Variants in SLC34A1 observed in about 807,000 individuals in gnomAD.
SLC34A1 encodes the protein solute carrier family 34 member 1, also known as sodium-dependent phosphate transport protein 2A.
In SLC34A1, 57 loss-of-function variants were observed where a neutral mutation model predicts 51.4. The observed-to-expected ratio is 1.11, with a 90% CI of 0.90 to 1.38. The LOEUF (loss-of-function observed/expected upper bound fraction) is 1.38. Ranked by LOEUF, SLC34A1 falls within the 40% of genes most tolerant of loss-of-function variation. The pLI is 0.00. For missense variants in SLC34A1, 796 were observed against 835.6 expected (o/e 0.95, Z 0.58); for synonymous variants, 368 against 358.0 (o/e 1.03, Z -0.32).
chr5:177,389,627 T>C, intron 8 of SLC34A1: 1 of 1,537,218 alleles, frequency 6.5e-7, no homozygotes, highest in South Asian at 1.2e-5. Context: ...CACAAGCCTC[T>C]CTACTTCATA....
chr5:177,397,423 C>T, intron 12 of SLC34A1: 1 of 490,544 alleles, frequency 2.0e-6, no homozygotes, highest in South Asian at 2.1e-5. Flanking sequence ...ATTCTAGGAG[C>T]AAAGGAGTAA....
chr5:177,386,636 G>C lies in SLC34A1; in HGVS notation c.532+70G>C, dbSNP rs1004145059. The C allele has an allele frequency of 6.3e-7, 1 of 1,585,114 alleles. No individual in the cohort carries two copies. The highest frequency in any genetic ancestry group is 1.3e-5 in the African/African-American group (1 of 74,578). ...CAGGAGCTGGGAAGGGTGGCAAATG[G>C]GGAGCGTGACCCCAGTAAGGCTGGC... is the stretch of plus-strand genomic sequence containing the variant. On this transcript the variant is annotated intron_variant, in intron 5 of 12. Transcript: ENST00000324417. This position sits in a 1 kb window ranked among gnomAD's most constrained non-coding sequence, Gnocchi z 4.8.
chr5:177,393,056 GC>G (rs901541141), intron 8 of SLC34A1, among the ~76,000 whole-genome samples: 3 of 152,160 alleles, frequency 2.0e-5, no homozygotes, highest in Non-Finnish European at 4.4e-5. Context: ...TACAGGCCCA[GC>G]AGAAACTCTC....
Position 177,398,280 on chromosome 5 carries a change from C to A in SLC34A1, c.1914C>A (p.Arg638=). The A allele has an allele frequency of 6.3e-7, 1 of 1,599,476 alleles. No individual in the cohort carries two copies. Among genetic ancestry groups the A allele is most frequent in the Non-Finnish European group, 8.5e-7 (1 of 1,179,950 alleles). ...LALPAHHNAT[R]L ...TGCCTGCTCACCACAATGCCACCCGCCTCTAGGCTGTGGGCCCAGACTACA... is the reference window on the plus strand; with the variant it reads ...TGCCTGCTCACCACAATGCCACCCGACTCTAGGCTGTGGGCCCAGACTACA... Residue 638 remains arginine, a synonymous_variant, in exon 13 of 13, where the codon CGC becomes CGA. Transcript: ENST00000324417. This position sits in a 1 kb window ranked among gnomAD's most constrained non-coding sequence, Gnocchi z 4.7.
chr5:177,392,500 C>G lies in SLC34A1; in HGVS notation c.937-1194C>G, dbSNP rs1762839295. ...ATAAATAAATAAATAACTTCTTAAC[C>G]CAACAAGGCTACAAATGAGTTGTCC... On this transcript the variant is annotated intron_variant, in intron 8 of 12. Coordinates refer to ENST00000324417, the MANE Select transcript of SLC34A1 (RefSeq NM_003052.5). Among the ~76,000 whole-genome samples, 6 of 152,028 alleles carry G rather than the reference C, an allele frequency of 3.9e-5. No homozygotes were observed. In the South Asian group the frequency reaches 1.2e-3, roughly 32 times the overall value.
chr5:177,389,564 A>G (rs1164536556), intron 8 of SLC34A1: 8 of 1,530,696 alleles, frequency 5.2e-6, no homozygotes, highest in African/African-American at 1.4e-5. Context: ...TCTTTAATAC[A>G]TCAACCACTT....
intron 10 of SLC34A1, 81 bp downstream of exon 10, chr5:177,394,276 TG>T (rs1397536107): frequency 1.4e-6 from 2 of 1,438,722 alleles, no homozygotes; most frequent in East Asian, 2.3e-5. Flanking sequence ...TGCCTTGATC[TG>T]GGTAAACCCT....
chr5:177,388,349 TG>T lies in SLC34A1; in HGVS notation c.915del (p.Trp305CysfsTer65). ...GAGGAACCACAGTCTCATCCAGATC[TG>T]GTGCCACCCAGACTCCTTACAGGTG... is the stretch of plus-strand genomic sequence containing the variant. The part of the protein sequence containing the change: ...SLRNHSLIQI[W>X]CHPDSLQAPT... On this transcript the variant is annotated frameshift_variant, in exon 8 of 13. Transcript: ENST00000324417. LOFTEE classifies it high-confidence loss of function. This position sits in a 1 kb window ranked among gnomAD's most constrained non-coding sequence, Gnocchi z 4.3. 1 of 1,614,178 alleles carries T rather than the reference TG, an allele frequency of 6.2e-7. No individual in the cohort carries two copies. Among genetic ancestry groups the T allele is most frequent in the Non-Finnish European group, 8.5e-7 (1 of 1,180,020 alleles).
rs749001328 is a variant in SLC34A1 at position 177,386,380 on chromosome 5, G to T, written c.388+31G>T. 1 of 1,614,110 alleles carries T rather than the reference G, an allele frequency of 6.2e-7. No individual in the cohort carries two copies. Among genetic ancestry groups the T allele is most frequent in the African/African-American group, 1.3e-5 (1 of 74,948 alleles). On this transcript the variant is annotated intron_variant, in intron 4 of 12. Transcript: ENST00000324417. This position sits in a 1 kb window ranked among gnomAD's most constrained non-coding sequence, Gnocchi z 4.8. ...GCCCGGGTGGAGGAGACCTGGGAGGGGTTCCTGAAGGGCCTTGGACAACGC... is the reference window on the plus strand; with the variant it reads ...GCCCGGGTGGAGGAGACCTGGGAGGTGTTCCTGAAGGGCCTTGGACAACGC...
chr5:177,387,236 C>A (rs1274757438), intron 5 of SLC34A1, among the ~76,000 whole-genome samples: 2 of 151,564 alleles, frequency 1.3e-5, no homozygotes, highest in Non-Finnish European at 2.9e-5. Flanking sequence ...ACAACAAAAA[C>A]CAAAAAGCAT....
In SLC34A1 at chr5:177,387,833, G is replaced by T; in HGVS notation, c.604G>T (p.Val202Leu). 6.2e-7 allele frequency: 1 copy of T among 1,613,528 alleles called. No individual in the cohort carries two copies. Among genetic ancestry groups the T allele is most frequent in the Non-Finnish European group, 8.5e-7 (1 of 1,179,894 alleles). ...CGGCACCTCTGTCACCAACACCATC[G>T]TGGCCCTGATGCAGGCGGGGGACAG... ...NIGTSVTNTIVALMQAGDRTD... is the reference protein window; with the variant it reads ...NIGTSVTNTILALMQAGDRTD... The change falls in exon 6 of 13, where the codon GTG (valine) becomes TTG (leucine). Residue 202 changes from valine to leucine, a missense_variant. Physicochemically the swap from Val to Leu is conservative, Grantham distance 32 (BLOSUM62 1). Coordinates refer to ENST00000324417, the MANE Select transcript of SLC34A1 (RefSeq NM_003052.5).
intron 8 of SLC34A1, among the ~76,000 whole-genome samples, chr5:177,391,513 C>T (rs986711879): frequency 3.9e-5 from 6 of 152,226 alleles, no homozygotes; most frequent in Non-Finnish European, 7.3e-5. Context: ...GTGGGGCACA[C>T]GTTGACCAGG....
At position 177,386,661 on chromosome 5, in the gene SLC34A1, C is replaced by T. The variant is rs1244622392; in HGVS notation, c.532+95C>T. Reference sequence around the variant, plus strand: ...GGGAGCGTGACCCCAGTAAGGCTGGCCTCCATTCAGCTTGACTCCTGTATC... The same window carrying T: ...GGGAGCGTGACCCCAGTAAGGCTGGTCTCCATTCAGCTTGACTCCTGTATC... On this transcript the variant is annotated intron_variant, in intron 5 of 12. Transcript: ENST00000324417. This position sits in a 1 kb window ranked among gnomAD's most constrained non-coding sequence, Gnocchi z 4.8. 1 of 1,464,330 alleles carries T rather than the reference C, an allele frequency of 6.8e-7. No individual in the cohort carries two copies. The highest frequency in any genetic ancestry group is 1.7e-5 in the Admixed American group (1 of 59,506). 90.7% of individuals were successfully genotyped at this position (1,464,330 alleles called of 1,614,324 possible). A position where few individuals can be genotyped will look rare whatever the true frequency, so the allele number is the denominator to read the frequency against.
chr5:177,385,753 C>A lies in SLC34A1; in HGVS notation c.12C>A (p.Tyr4Ter). The A allele has an allele frequency of 6.2e-7, 1 of 1,612,542 alleles. No individual in the cohort carries two copies. Among genetic ancestry groups the A allele is most frequent in the Non-Finnish European group, 8.5e-7 (1 of 1,179,516 alleles). Residue 4 changes from tyrosine to a stop codon, truncating the protein, a stop_gained, in exon 2 of 13, where the codon TAC (tyrosine) becomes TAA (stop). Transcript: ENST00000324417. LOFTEE classifies it high-confidence loss of function. ...AGTGGGTGCCCAGGATGTTGTCCTACGGAGAGAGGCTGGGGTCCCCTGCTG... is the reference window on the plus strand; with the variant it reads ...AGTGGGTGCCCAGGATGTTGTCCTAAGGAGAGAGGCTGGGGTCCCCTGCTG... MLS[Y>*]GERLGSPAVS... is the part of the protein sequence containing the mutation.
chr5:177,392,040 TC>T (rs1202661229), intron 8 of SLC34A1, among the ~76,000 whole-genome samples: 1 of 152,214 alleles, frequency 6.6e-6, no homozygotes, highest in Non-Finnish European at 1.5e-5. Flanking sequence ...GGCCTGCCAT[TC>T]AGGCCCAGTC....
At chr5:177,394,860 A>AT (rs1359475995) in intron 10 of SLC34A1, among the ~76,000 whole-genome samples, 2 of 151,762 alleles carry the variant, frequency 1.3e-5, no homozygotes, top group South Asian at 2.1e-4. Flanking sequence ...CACCCGGCTA[A>AT]TTTTTTGTAT....
In SLC34A1 at chr5:177,387,877, AG is replaced by A. The variant is rs1762646914; in HGVS notation, c.644+10del. On this transcript the variant is annotated splice_donor_5th_base_variant and intron_variant, in intron 6 of 12. Transcript: ENST00000324417. Reference sequence around the variant, plus strand: ...GGGACAGGACTGACTTCCGGCGGTGAGGGGGGCTGGGGGTTGGGGGCTCGTG... The same window carrying A: ...GGGACAGGACTGACTTCCGGCGGTGAGGGGGCTGGGGGTTGGGGGCTCGTG... 2.9e-5 allele frequency: 11 copies of A among 385,472 alleles called. No individual in the cohort carries two copies. The highest frequency in any genetic ancestry group is 9.5e-5 in the African/African-American group (1 of 10,538). The allele number at this position is 385,472 out of a possible 1,614,324, so 23.9% of individuals were successfully genotyped here.
chr5:177,387,214 C>CAA (rs75240921), intron 5 of SLC34A1, among the ~76,000 whole-genome samples: 16 of 136,318 alleles, frequency 1.2e-4, no homozygotes, highest in African/African-American at 3.9e-4. Flanking sequence ...ACTAAAAATA[C>CAA]AAAAAAAAAA....
chr5:177,393,655 G>A (rs1196301119), intron 8 of SLC34A1, 39 bp from the exon 9 acceptor site: 2 of 1,606,978 alleles, frequency 1.2e-6, no homozygotes, highest in South Asian at 1.1e-5. Context: ...CTCAGGCTGT[G>A]TTTTCCTAAT....
Sources: allele counts gnomAD v4.1 joint callset (sites outside exome capture counted in the v4.1 genomes callset), GRCh38; gene constraint gnomAD v4.1.1; non-coding constraint Gnocchi (gnomAD v3.1); transcripts MANE v1.5; gene names NCBI Gene and HGNC (gene_info 2026-07-23, HGNC 2026-07-21).